Variants in RPS6KA3 observed in about 807,000 individuals in gnomAD.
RPS6KA3 encodes the protein ribosomal protein S6 kinase alpha-3.
In RPS6KA3, 4 loss-of-function variants were observed where a neutral mutation model predicts 67.2. The ratio of observed to expected loss-of-function variants is 0.06; its 90% CI spans 0.03 to 0.14. The LOEUF is 0.14. Among genes scored for constraint, RPS6KA3 ranks in the 10% least tolerant of loss-of-function variants. RPS6KA3 has a pLI of 1.00. For synonymous variants in RPS6KA3, 182 were observed against 183.7 expected (o/e 0.99, Z 0.07); for missense variants, 204 against 559.0 (o/e 0.36, Z 6.40).
In RPS6KA3 at chrX:20,161,663, G is replaced by T; in HGVS notation, c.1940C>A (p.Ser647Tyr). 8.8e-7 allele frequency: 1 copy of T among 1,141,806 alleles called. No individual in the cohort carries two copies. Among genetic ancestry groups the T allele is most frequent in the Non-Finnish European group, 1.2e-6 (1 of 840,413 alleles). 94.1% of individuals were successfully genotyped at this position (1,141,806 alleles called of 1,213,427 possible). Reference sequence around the variant, plus strand: ...ACTTACCTTTGCTGTGTCTGAAACAGAATTCCAGTAACCACCACTGAGTGA... The same window carrying T: ...ACTTACCTTTGCTGTGTCTGAAACATAATTCCAGTAACCACCACTGAGTGA... ...KFSLSGGYWN[S>Y]VSDTAKDLVS... is the part of the protein sequence containing the mutation. Residue 647 changes from serine to tyrosine, a missense_variant, in exon 20 of 22, where the codon TCT (serine) becomes TAT (tyrosine). Physicochemically the swap from Ser to Tyr is moderately radical, Grantham distance 144. Transcript: ENST00000379565.
At chrX:20,187,715 T>C (rs1603425312) in intron 9 of RPS6KA3, 113 bp downstream of exon 9, 2 of 652,765 alleles carry the variant, frequency 3.1e-6, no homozygotes, top group Non-Finnish European at 5.1e-6. Context: ...TGGTTATTTA[T>C]TACATATGGC....
At position 20,175,299 on chromosome X, in the gene RPS6KA3, T is replaced by C; in HGVS notation, c.1103-11A>G. On this transcript the variant is annotated splice_polypyrimidine_tract_variant and intron_variant, in intron 13 of 21. Transcript: ENST00000379565. ...GAATGCCAGGTGAATCTGAAAAGAG[T>C]AAGAAGTGACAAAGAAGATTCATTT... 2 of 1,207,441 alleles carry C rather than the reference T, an allele frequency of 1.7e-6. No homozygotes were observed. Among genetic ancestry groups the C allele is most frequent in the Admixed American group, 2.2e-5 (1 of 45,971 alleles).
chrX:20,184,225 T>G lies in RPS6KA3; in HGVS notation c.845+2071A>C, dbSNP rs1361287940. 4.5e-5 allele frequency among the ~76,000 whole-genome samples: 5 copies of G among 110,228 alleles called. No individual in the cohort carries two copies. In the East Asian group the frequency reaches 1.1e-3, roughly 25 times the overall value. Reference sequence around the variant, plus strand: ...CACCACGCCCAGCTAATTTTTGTATTTTTAGTAGAGACAGGGTTTTGCCAT... The same window carrying G: ...CACCACGCCCAGCTAATTTTTGTATGTTTAGTAGAGACAGGGTTTTGCCAT... On this transcript the variant is annotated intron_variant, in intron 10 of 21. Coordinates refer to ENST00000379565, the MANE Select transcript of RPS6KA3 (RefSeq NM_004586.3).
In RPS6KA3 at chrX:20,190,091, A is replaced by C. The variant is rs769939828; in HGVS notation, c.594-1557T>G. ...TTCAAGTCATTCTCGGTAATTCTGA[A>C]AGAAAAAAGGATAATATGGCTGAAA... On this transcript the variant is annotated intron_variant, in intron 7 of 21. Coordinates refer to ENST00000379565, the MANE Select transcript of RPS6KA3 (RefSeq NM_004586.3). 4.5e-5 allele frequency among the ~76,000 whole-genome samples: 5 copies of C among 111,681 alleles called. No individual in the cohort carries two copies. The East Asian group carries it at 1.1e-3, about 25-fold the overall frequency.
chrX:20,179,686 C>T (rs1156465503), intron 10 of RPS6KA3, among the ~76,000 whole-genome samples: 2 of 106,473 alleles, frequency 1.9e-5, no homozygotes, highest in African/African-American at 6.6e-5. Context: ...AGTATTTATT[C>T]TCTTTTTCTT....
chrX:20,232,932 C>T (rs1364091116), intron 2 of RPS6KA3, among the ~76,000 whole-genome samples: 3 of 111,542 alleles, frequency 2.7e-5, no homozygotes, highest in Non-Finnish European at 3.8e-5. Flanking sequence ...GTCAGGAGTT[C>T]GAGGCCAGCT....
chrX:20,161,326 T>C (rs1423952963), intron 20 of RPS6KA3, among the ~76,000 whole-genome samples: 1 of 111,560 alleles, frequency 9.0e-6, no homozygotes, highest in Admixed American at 9.6e-5. Flanking sequence ...CAGGGTGTTA[T>C]GAGGATTACA....
rs1569287173 is a variant in RPS6KA3, at chrX:20,266,780, A to AGCG, written c.-151_-149dup. On this transcript the variant is annotated 5_prime_UTR_variant, in exon 1 of 22. Transcript: ENST00000379565. The stretch of plus-strand genomic sequence containing the variant: ...CAGCGGCAGCGGCAGCAGCAGCAGC[A>AGCG]GCGGCGGCGGCCCCAGAGAGGGCTC... 117 of 330,201 alleles carry AGCG rather than the reference A, an allele frequency of 3.5e-4. No homozygotes were observed. Among genetic ancestry groups the AGCG allele is most frequent in the African/African-American group, 3.3e-3 (111 of 34,017 alleles). The allele number at this position is 330,201 out of a possible 1,213,427, so 27.2% of individuals were successfully genotyped here.
chrX:20,176,162 C>T (rs1387736456), intron 13 of RPS6KA3, 88 bp downstream of exon 13: 6 of 625,073 alleles, frequency 9.6e-6, no homozygotes, highest in East Asian at 3.4e-5. Flanking sequence ...TGAGCCACCG[C>T]GCCCAGAGTC....
chrX:20,156,062 T>C (rs1173743881), intron 21 of RPS6KA3, 47 bp downstream of exon 21: 2 of 1,184,932 alleles, frequency 1.7e-6, no homozygotes, highest in Non-Finnish European at 2.3e-6. Flanking sequence ...TCTTGAAGTC[T>C]CTCCTGGAGG....
rs753024493 is a variant in RPS6KA3, at chrX:20,176,459, G to A, written c.974C>T (p.Ser325Leu). 1 of 1,194,527 alleles carries A rather than the reference G, an allele frequency of 8.4e-7. No individual in the cohort carries two copies. The highest frequency in any genetic ancestry group is 1.1e-6 in the Non-Finnish European group (1 of 880,520). Reference sequence around the variant, plus strand: ...ATTCCAGTCTATCGTTGAGAAAAATGAATGTCTTTTAATTTCTTCAACTCC... The same window carrying A: ...ATTCCAGTCTATCGTTGAGAAAAATAAATGTCTTTTAATTTCTTCAACTCC... ...PDGVEEIKRH[S>L]FFSTIDWNKL... The change falls in exon 12 of 22, where the codon TCA becomes TTA. Residue 325 changes from serine to leucine, a missense_variant. Physicochemically the swap from Ser to Leu is moderately radical, Grantham distance 145. Transcript: ENST00000379565.
chrX:20,243,578 C>T (rs1287243209), intron 1 of RPS6KA3, among the ~76,000 whole-genome samples: 5 of 111,060 alleles, frequency 4.5e-5, no homozygotes, highest in East Asian at 2.8e-4. Context: ...CTCTGCCTCC[C>T]GGGTTCAAGG....
intron 9 of RPS6KA3, 136 bp downstream of exon 9, chrX:20,187,692 C>T: frequency 5.0e-6 from 3 of 594,102 alleles, no homozygotes. Flanking sequence ...ATACTGCATG[C>T]AATAATGTTT....
intron 1 of RPS6KA3, among the ~76,000 whole-genome samples, chrX:20,252,552 G>A (rs1037096344): frequency 5.4e-5 from 6 of 110,512 alleles, no homozygotes; most frequent in Non-Finnish European, 7.6e-5. Context: ...TGGGTGGGAC[G>A]GAAGTTCAGC....
rs752864742 is a variant in RPS6KA3 at position 20,169,171 on chromosome X, T to A, written c.1443+231A>T. 1.2e-4 allele frequency among the ~76,000 whole-genome samples: 13 copies of A among 111,103 alleles called. No homozygotes were observed. In the South Asian group the frequency reaches 2.6e-3, roughly 23 times the overall value. On this transcript the variant is annotated intron_variant, in intron 16 of 21. Transcript: ENST00000379565. ...CTCGGCCTGGCTAATTAAAAAAAAA[T>A]TTTTTTTTGTAGAGATGGAGATCTC... is the stretch of plus-strand genomic sequence containing the variant.
intron 16 of RPS6KA3, among the ~76,000 whole-genome samples, chrX:20,168,120 T>C (rs748409417): frequency 1.8e-5 from 2 of 112,270 alleles, no homozygotes; most frequent in African/African-American, 6.5e-5. Context: ...TTTGGGCCTA[T>C]TGAGCATCAT....
chrX:20,249,210 T>G (rs1431399718), intron 1 of RPS6KA3, among the ~76,000 whole-genome samples: 1 of 112,175 alleles, frequency 8.9e-6, no homozygotes, highest in Non-Finnish European at 1.9e-5. Flanking sequence ...TATTTGACCA[T>G]TTACCCATTC....
chrX:20,228,124 G>C (rs1339311065), intron 2 of RPS6KA3, among the ~76,000 whole-genome samples: 4 of 111,663 alleles, frequency 3.6e-5, no homozygotes, highest in African/African-American at 9.8e-5. Flanking sequence ...AATCAATTTT[G>C]TCTCAACACT....
chrX:20,233,700 A>C (rs1467605931), intron 2 of RPS6KA3, among the ~76,000 whole-genome samples: 4 of 110,854 alleles, frequency 3.6e-5, no homozygotes, highest in Non-Finnish European at 7.6e-5. Flanking sequence ...ACAGTGAGTC[A>C]TGACTCTACC....
Sources: gnomAD v4.1 joint callset for allele counts (sites outside exome capture counted in the v4.1 genomes callset) on GRCh38, gnomAD v4.1.1 for gene constraint, MANE v1.5 for transcripts, NCBI Gene and HGNC (gene_info 2026-07-23, HGNC 2026-07-21) for gene names.